The following PCDHA1 variants were observed in gnomAD, a reference collection of about 807,000 sequenced individuals.
PCDHA1 encodes protocadherin alpha 1.
Under a neutral mutation model 61.3 loss-of-function variants are expected in PCDHA1, and 42 were observed. The observed-to-expected ratio is 0.69, with a 90% CI of 0.54 to 0.89. PCDHA1 has a LOEUF of 0.89. PCDHA1 is among the 40% of genes least tolerant of loss of function. The probability of loss-of-function intolerance (pLI) is 0.00; values close to 1 mark genes in which losing one functional copy is unlikely to be tolerated. For synonymous variants in PCDHA1, 610 were observed against 553.8 expected, an observed-to-expected ratio of 1.10 and a Z score of -1.43; for missense variants, 1,256 against 1,235.3, an observed-to-expected ratio of 1.02 and a Z score of -0.25.
Position 140,881,379 on chromosome 5 carries a change from C to T in PCDHA1, c.2394+92695C>T, listed in dbSNP as rs1235654163. ...TGGCTTTCGTATGAATTGCAGCCGG[C>T]GGCGGTAAGTTAAATTCTATTAAAT... On this transcript the variant is annotated intron_variant, in intron 1 of 3. Transcript: ENST00000504120. The T allele has an allele frequency of 7.1e-6, 7 of 984,332 alleles. No individual in the cohort carries two copies. In the African/African-American group the frequency reaches 1.0e-4, roughly 15 times the overall value. 61.0% of individuals were successfully genotyped at this position (984,332 alleles called of 1,614,324 possible).
chr5:140,961,915 G>T (rs1393178053), intron 1 of PCDHA1, among the ~76,000 whole-genome samples: 4 of 146,912 alleles, frequency 2.7e-5, no homozygotes, highest in Non-Finnish European at 4.5e-5. Context: ...ATGGAGTCTC[G>T]CTCTGTTGCC....
At chr5:140,941,202 C>CCTTCCTTTCTTT (rs1554213920) in intron 1 of PCDHA1, among the ~76,000 whole-genome samples, 197 of 122,808 alleles carry the variant, frequency 1.6e-3, no homozygotes, top group Admixed American at 2.9e-3. Flanking sequence ...TTTCTTTCTT[C>CCTTCCTTTCTTT]CTTTCTTTCT....
intron 1 of PCDHA1, among the ~76,000 whole-genome samples, chr5:140,891,044 C>G (rs1167178710): frequency 6.6e-6 from 1 of 152,030 alleles, no homozygotes; most frequent in Non-Finnish European, 1.5e-5. Flanking sequence ...GTGTGACCCC[C>G]ACAGCACATA....
intron 1 of PCDHA1, chr5:140,806,988 A>T: frequency 1.5e-6 from 1 of 659,582 alleles, no homozygotes; most frequent in Non-Finnish European, 2.6e-6. Context: ...TTGGAGCCAC[A>T]TGATGTCGCT....
At chr5:140,822,276 G>A (rs1179110799) in intron 1 of PCDHA1, 2 of 1,614,126 alleles carry the variant, frequency 1.2e-6, no homozygotes, top group Non-Finnish European at 1.7e-6. Flanking sequence ...ATGCACAATT[G>A]AGATACAGGT....
chr5:140,822,407 T>C (rs2150116149), intron 1 of PCDHA1: 1 of 1,614,074 alleles, frequency 6.2e-7, no homozygotes, highest in Non-Finnish European at 8.5e-7. Context: ...CGTTTATTAG[T>C]GATTGCAACT....
chr5:140,796,649 C>T, intron 1 of PCDHA1: 4 of 1,613,864 alleles, frequency 2.5e-6, no homozygotes, highest in Non-Finnish European at 3.4e-6. Flanking sequence ...AACGACAACG[C>T]GCCGGCACTG....
chr5:140,967,665 C>G (rs782126222), intron 1 of PCDHA1: 1 of 1,614,154 alleles, frequency 6.2e-7, no homozygotes. Context: ...AGCAGCTACA[C>G]GTCGGACCGG....
Position 141,000,578 on chromosome 5 carries a change from C to T in PCDHA1, c.2543-9049C>T, listed in dbSNP as rs191579983. On this transcript the variant is annotated intron_variant, in intron 3 of 3. Coordinates refer to ENST00000504120, the MANE Select transcript of PCDHA1 (RefSeq NM_018900.4). ...GAGTAGCTGGGATTACAGGTGCCTG[C>T]CACCATGCCCAGCTAATTTTTGTAT... Among the ~76,000 whole-genome samples the T allele has an allele frequency of 3.1e-3, 460 of 150,716 alleles. 6 individuals carry two copies. Among genetic ancestry groups the T allele is most frequent in the Middle Eastern group, 0.01 (3 of 290 alleles).
chr5:140,789,484 C>CCAAA (rs1435017004), intron 1 of PCDHA1, among the ~76,000 whole-genome samples: 1 of 151,878 alleles, frequency 6.6e-6, no homozygotes, highest in Admixed American at 6.6e-5. Flanking sequence ...AACCGACCAA[C>CCAAA]CAAACAAACA....
At chr5:140,946,092 G>T (rs985293430) in intron 1 of PCDHA1, among the ~76,000 whole-genome samples, 1 of 151,914 alleles carries the variant, frequency 6.6e-6, no homozygotes, top group Non-Finnish European at 1.5e-5. Context: ...CTGATAAGGA[G>T]TTAACATACC....
At chr5:140,807,934 G>C in intron 1 of PCDHA1, 1 of 1,614,090 alleles carries the variant, frequency 6.2e-7, no homozygotes. Context: ...TTTATAAGGT[G>C]AGATTACTAG....
chr5:140,975,612 C>T (rs1554236918), intron 1 of PCDHA1, among the ~76,000 whole-genome samples: 1 of 152,194 alleles, frequency 6.6e-6, no homozygotes, highest in Non-Finnish European at 1.5e-5. Flanking sequence ...ATGTCTTCCA[C>T]ATGGATTTCC....
At chr5:140,829,599 C>G in intron 1 of PCDHA1, 8 of 1,612,030 alleles carry the variant, frequency 5.0e-6, no homozygotes, top group Non-Finnish European at 6.8e-6. Flanking sequence ...GGCGAGCGCG[C>G]GTTGTCGAGC....
At chr5:140,955,989 A>C (rs2095245782) in intron 1 of PCDHA1, among the ~76,000 whole-genome samples, 1 of 152,172 alleles carries the variant, frequency 6.6e-6, no homozygotes, top group Non-Finnish European at 1.5e-5. Flanking sequence ...ATTTTTGCAC[A>C]TTGATTTTGT....
chr5:140,900,257 T>G (rs1184928608), intron 1 of PCDHA1, among the ~76,000 whole-genome samples: 3 of 152,108 alleles, frequency 2.0e-5, no homozygotes, highest in Admixed American at 6.6e-5. Context: ...TGAATAGTAC[T>G]CCATTGTGTA....
intron 3 of PCDHA1, among the ~76,000 whole-genome samples, chr5:141,007,733 C>A (rs2098343034): frequency 6.6e-6 from 1 of 152,180 alleles, no homozygotes; most frequent in African/African-American, 2.4e-5. Flanking sequence ...CAAAGGTTAA[C>A]CACTGAAGAT....
At chr5:140,853,405 G>A (rs2042737613) in intron 1 of PCDHA1, 1 of 986,340 alleles carries the variant, frequency 1.0e-6, no homozygotes, top group Non-Finnish European at 1.2e-6. Flanking sequence ...GTTCAAAACA[G>A]AGAGGTGAAA....
intron 1 of PCDHA1, chr5:140,882,514 C>T: frequency 2.5e-6 from 4 of 1,614,150 alleles, no homozygotes; most frequent in Non-Finnish European, 3.4e-6. Context: ...TGCAGAATGG[C>T]ATTTTGTTTG....
Sources: gnomAD v4.1 joint callset for allele counts (sites outside exome capture counted in the v4.1 genomes callset) on GRCh38, gnomAD v4.1.1 for gene constraint, MANE v1.5 for transcripts, NCBI Gene and HGNC (gene_info 2026-07-23, HGNC 2026-07-21) for gene names.